PBX1: variants seen among roughly 807,000 people sequenced by gnomAD.
PBX1 encodes the protein PBX homeobox 1.
Under a neutral mutation model 53.4 loss-of-function variants are expected in PBX1, and 6 were observed. The observed-to-expected ratio is 0.11, with a 90% confidence interval of 0.06 to 0.22. PBX1 has a LOEUF of 0.22. PBX1 is among the 10% of genes least tolerant of loss of function. The pLI is 1.00. For missense variants in PBX1, 251 were observed against 551.4 expected (o/e 0.46, Z 5.46); for synonymous variants, 204 against 212.3 (o/e 0.96, Z 0.34).
intron 2 of PBX1, among the ~76,000 whole-genome samples, chr1:164,867,467 C>T (rs902079209): frequency 6.6e-6 from 1 of 152,168 alleles, no homozygotes; most frequent in Non-Finnish European, 1.5e-5. Context: ...AGAAAGCCAC[C>T]ATTTGTGATT....
intron 8 of PBX1, among the ~76,000 whole-genome samples, chr1:164,832,765 A>G (rs1014400924): frequency 2.0e-5 from 3 of 152,168 alleles, no homozygotes; most frequent in Non-Finnish European, 4.4e-5. Context: ...TTGGCAGGAG[A>G]GTGATAAAAT....
At chr1:164,707,418 T>TGTGTGTGAGAGA (rs58617739) in intron 2 of PBX1, among the ~76,000 whole-genome samples, 103 of 118,250 alleles carry the variant, frequency 8.7e-4, no homozygotes, top group African/African-American at 3.3e-3. Flanking sequence ...TGTGTGTGTG[T>TGTGTGTGAGAGA]GAGAGAGAGA....
chr1:164,589,842 T>A (rs1182348108), intron 2 of PBX1, among the ~76,000 whole-genome samples: 1 of 152,192 alleles, frequency 6.6e-6, no homozygotes, highest in African/African-American at 2.4e-5. Flanking sequence ...AGATTTCTGT[T>A]CCTGTTGTGG....
At chr1:164,755,980 T>C (rs896101261) in intron 2 of PBX1, among the ~76,000 whole-genome samples, 12 of 147,630 alleles carry the variant, frequency 8.1e-5, no homozygotes, top group African/African-American at 3.0e-4. Context: ...TTAACATTCA[T>C]TGTAAAACCC....
intron 2 of PBX1, among the ~76,000 whole-genome samples, chr1:164,776,755 T>C (rs974841594): frequency 1.3e-5 from 2 of 152,198 alleles, no homozygotes; most frequent in African/African-American, 4.8e-5. Context: ...TGTGCAATGA[T>C]TAACTTTCCC....
intron 8 of PBX1, among the ~76,000 whole-genome samples, chr1:164,837,647 C>T (rs1487003118): frequency 6.6e-6 from 1 of 152,170 alleles, no homozygotes; most frequent in Admixed American, 6.5e-5. Flanking sequence ...TGCACTAAGG[C>T]ACCTTTGTTT....
chr1:164,786,017 T>C (rs1179821393), intron 2 of PBX1, among the ~76,000 whole-genome samples: 1 of 152,086 alleles, frequency 6.6e-6, no homozygotes, highest in Non-Finnish European at 1.5e-5. Flanking sequence ...GAAGTGGATA[T>C]GGAAGAGGTG....
At position 164,849,621 on chromosome 1, in the gene PBX1, G is replaced by A. The variant is rs1393455314; in HGVS notation, c.*2945G>A. 10 of 594,844 alleles carry A rather than the reference G, an allele frequency of 1.7e-5. No homozygotes were observed. In the East Asian group the frequency reaches 3.0e-4, roughly 18 times the overall value. 36.8% of individuals were successfully genotyped at this position (594,844 alleles called of 1,614,324 possible). On this transcript the variant is annotated 3_prime_UTR_variant, in exon 9 of 9. Transcript: ENST00000420696. ...CCTGAGAAACGATACTAGACCCTGG[G>A]TTTGCCCACCTTGTAACTCTTCCTT...
chr1:164,844,675 C>T (rs932838687), intron 8 of PBX1, among the ~76,000 whole-genome samples: 10 of 151,990 alleles, frequency 6.6e-5, no homozygotes, highest in African/African-American at 1.4e-4. Context: ...TAAACGTGGC[C>T]GCCATTCTTA....
intron 2 of PBX1, among the ~76,000 whole-genome samples, chr1:164,707,416 T>TGAGAGA (rs1187837585): frequency 1.9e-5 from 2 of 106,048 alleles, no homozygotes; most frequent in African/African-American, 9.5e-5. Context: ...TGTGTGTGTG[T>TGAGAGA]GTGAGAGAGA....
At chr1:164,711,551 C>T (rs1663779893) in intron 2 of PBX1, among the ~76,000 whole-genome samples, 2 of 152,272 alleles carry the variant, frequency 1.3e-5, no homozygotes, top group East Asian at 3.8e-4. Context: ...GCGTGAGCCA[C>T]TGCGCCCGGC....
chr1:164,872,810 A>G (rs1026894417), intron 2 of PBX1, among the ~76,000 whole-genome samples: 1 of 152,120 alleles, frequency 6.6e-6, no homozygotes, highest in Admixed American at 6.5e-5. Context: ...CAATACTTTT[A>G]CATTTATCCT....
chr1:164,607,387 G>A (rs781190748), intron 2 of PBX1, among the ~76,000 whole-genome samples: 3 of 152,138 alleles, frequency 2.0e-5, no homozygotes, highest in Non-Finnish European at 1.5e-5. Context: ...GTGGTTTGAG[G>A]GAGAAGGAAG....
At chr1:164,567,224 AT>A (rs1165304227) in intron 2 of PBX1, among the ~76,000 whole-genome samples, 1 of 152,102 alleles carries the variant, frequency 6.6e-6, no homozygotes, top group African/African-American at 2.4e-5. Context: ...GCGGTGGGTT[AT>A]GGAAGGAAGC....
rs58476519 is a variant in PBX1, at chr1:164,663,248, TCCTGCCTGCCTGCCTG to T, written c.265+99957_265+99972del. On this transcript the variant is annotated intron_variant, in intron 2 of 8. Transcript: ENST00000420696. Reference sequence around the variant, plus strand: ...TTCCTGCCTTCCTTCCTTCCTGCCTTCCTGCCTGCCTGCCTGCCTGCCTGCCTGCCTGCCTTCCTAC... The same window carrying T: ...TTCCTGCCTTCCTTCCTTCCTGCCTTCCTGCCTGCCTGCCTGCCTTCCTAC... 6.2e-5 allele frequency among the ~76,000 whole-genome samples: 9 copies of T among 144,294 alleles called. No individual in the cohort carries two copies. The South Asian group carries it at 1.2e-3, about 19-fold the overall frequency. 94.7% of individuals were successfully genotyped at this position (144,294 alleles called of 152,430 possible). A position where few individuals can be genotyped will look rare whatever the true frequency, so the allele number is the denominator to read the frequency against.
At chr1:164,725,550 A>G (rs1450214978) in intron 2 of PBX1, among the ~76,000 whole-genome samples, 7 of 151,988 alleles carry the variant, frequency 4.6e-5, no homozygotes, top group African/African-American at 1.7e-4. Flanking sequence ...CTGCTTCCGT[A>G]CAAGTTTCAG....
At position 164,850,266 on chromosome 1, in the gene PBX1, G is replaced by A. The variant is rs544408417; in HGVS notation, c.*3590G>A. On this transcript the variant is annotated 3_prime_UTR_variant, in exon 9 of 9. Coordinates refer to ENST00000420696, the MANE Select transcript of PBX1 (RefSeq NM_002585.4). ...TTTGTGAATTAGTTCAAGAATGCTA[G>A]AAAAGTGTCGAGTTGTGCACATCCA... The A allele has an allele frequency of 4.8e-6, 1 of 208,158 alleles. No individual in the cohort carries two copies. The highest frequency in any genetic ancestry group is 2.3e-5 in the African/African-American group (1 of 42,610). The allele number at this position is 208,158 out of a possible 1,614,324, so 12.9% of individuals were successfully genotyped here.
intron 2 of PBX1, chr1:164,605,298 CT>C (rs367994913): frequency 1.9e-4 from 28 of 148,476 alleles, no homozygotes; most frequent in African/African-American, 3.0e-4. Flanking sequence ...TGTTAAAATC[CT>C]TTTTTTTTTG....
intron 2 of PBX1, among the ~76,000 whole-genome samples, chr1:164,620,833 C>T (rs1397439451): frequency 6.6e-6 from 1 of 151,596 alleles, no homozygotes; most frequent in East Asian, 1.9e-4. Flanking sequence ...CAGGCACCTG[C>T]TGCCACGCCA....
Sources: gnomAD v4.1 joint callset for allele counts (sites outside exome capture counted in the v4.1 genomes callset) on GRCh38, gnomAD v4.1.1 for gene constraint, MANE v1.5 for transcripts, NCBI Gene and HGNC (gene_info 2026-07-23, HGNC 2026-07-21) for gene names.